THSD7A: variants seen among roughly 807,000 people sequenced by gnomAD.
THSD7A encodes the protein thrombospondin type-1 domain-containing protein 7A.
A neutral mutation model predicts 231.3 loss-of-function variants in THSD7A; 96 were observed. That is an observed-to-expected ratio of 0.41 (90% CI 0.35 to 0.49). The LOEUF (loss-of-function observed/expected upper bound fraction) is 0.49, where lower values mean the gene tolerates loss of function less well. THSD7A is among the 20% of genes least tolerant of loss of function. THSD7A has a pLI of 0.05. For missense variants in THSD7A, 2,290 were observed against 2,070.2 expected, an observed-to-expected ratio of 1.11 and a Z score of -2.06; for synonymous variants, 940 against 743.3, an observed-to-expected ratio of 1.26 and a Z score of -4.30.
rs1413033427 is a variant in THSD7A, at chr7:11,500,049, A to C, written c.1823-18067T>G. On this transcript the variant is annotated intron_variant, in intron 6 of 27. Coordinates refer to ENST00000423059, the MANE Select transcript of THSD7A (RefSeq NM_015204.3). ...AGATTTTCCAAGGTTGAAATGAAAG[A>C]ATGTTAAAGGCAGCTAAAGAGTAAG... 2.6e-5 allele frequency among the ~76,000 whole-genome samples: 4 copies of C among 152,318 alleles called. No homozygotes were observed. In the East Asian group the frequency reaches 7.7e-4, roughly 29 times the overall value.
chr7:11,581,335 GATT>G (rs1791153601), intron 4 of THSD7A, among the ~76,000 whole-genome samples: 2 of 151,982 alleles, frequency 1.3e-5, no homozygotes, highest in Admixed American at 6.6e-5. Context: ...TGTGTCACAA[GATT>G]ATTATCCAAT....
At chr7:11,791,705 C>A (rs1783956631) in intron 1 of THSD7A, among the ~76,000 whole-genome samples, 1 of 151,590 alleles carries the variant, frequency 6.6e-6, no homozygotes, top group South Asian at 2.1e-4. Context: ...AAATTTTGGT[C>A]CCAACGGCCA....
In THSD7A at chr7:11,426,778, T is replaced by G. The variant is rs376501271; in HGVS notation, c.3244-107A>C. On this transcript the variant is annotated intron_variant, in intron 14 of 27. Coordinates refer to ENST00000423059, the MANE Select transcript of THSD7A (RefSeq NM_015204.3). ...ATGGTAAGTTTCAAGTATTATTACT[T>G]ACATGTAAAAACCTACTTTTTTGGT... 4.1e-5 allele frequency: 52 copies of G among 1,258,012 alleles called. No homozygotes were observed. In the African/African-American group the frequency reaches 7.3e-4, roughly 18 times the overall value. The allele number at this position is 1,258,012 out of a possible 1,614,324, so 77.9% of individuals were successfully genotyped here.
chr7:11,773,655 TA>T lies in THSD7A; in HGVS notation c.190+58101del, dbSNP rs1193444385. On this transcript the variant is annotated intron_variant, in intron 1 of 27. Coordinates refer to ENST00000423059, the MANE Select transcript of THSD7A (RefSeq NM_015204.3). ...TACATAAGACTTTGAATTTCTTTTT[TA>T]AAAAATGTTTAATTATTATGGATTC... Among the ~76,000 whole-genome samples, 10 of 152,306 alleles carry T rather than the reference TA, an allele frequency of 6.6e-5. No individual in the cohort carries two copies. The East Asian group carries it at 1.2e-3, about 18-fold the overall frequency.
chr7:11,751,156 A>T (rs991778296), intron 1 of THSD7A: 7 of 152,024 alleles, frequency 4.6e-5, no homozygotes, highest in African/African-American at 1.2e-4. Flanking sequence ...AGCTTTCCCA[A>T]TTACCGCCAG....
chr7:11,457,216 A>G (rs1785336765), intron 11 of THSD7A, among the ~76,000 whole-genome samples: 1 of 152,050 alleles, frequency 6.6e-6, no homozygotes, highest in African/African-American at 2.4e-5. Flanking sequence ...CTACATTTCT[A>G]CATTTCAAGT....
chr7:11,815,918 T>C (rs1370052770), intron 1 of THSD7A, among the ~76,000 whole-genome samples: 1 of 152,060 alleles, frequency 6.6e-6, no homozygotes, highest in Non-Finnish European at 1.5e-5. Flanking sequence ...CTTCTTTCTA[T>C]CCCTGGAAAC....
Position 11,411,150 on chromosome 7 carries a change from A to T in THSD7A, c.3798+57T>A. 7.3e-7 allele frequency: 1 copy of T among 1,366,272 alleles called. No individual in the cohort carries two copies. Among genetic ancestry groups the T allele is most frequent in the East Asian group, 2.3e-5 (1 of 43,376 alleles). The allele number at this position is 1,366,272 out of a possible 1,614,324, so 84.6% of individuals were successfully genotyped here. ...AGCACGGGTCACTTGGCTCAGCATG[A>T]ATTGAAATTATTAGGGAAGAATTTA... On this transcript the variant is annotated intron_variant, in intron 19 of 27. Transcript: ENST00000423059. The surrounding 1 kb of genome is among the most constrained non-coding windows in gnomAD (Gnocchi z 4.1).
chr7:11,578,197 T>C (rs574694599), intron 4 of THSD7A, among the ~76,000 whole-genome samples: 2 of 152,302 alleles, frequency 1.3e-5, no homozygotes, highest in East Asian at 1.9e-4. Context: ...CTTTTCTCAA[T>C]TCAACCAGAA....
chr7:11,455,345 T>C (rs1436470734), intron 11 of THSD7A, among the ~76,000 whole-genome samples: 1 of 152,106 alleles, frequency 6.6e-6, no homozygotes, highest in Non-Finnish European at 1.5e-5. Context: ...CACAACATTT[T>C]AAGCATTTGT....
intron 1 of THSD7A, among the ~76,000 whole-genome samples, chr7:11,770,185 C>T (rs1038654426): frequency 2.0e-5 from 3 of 151,874 alleles, no homozygotes; most frequent in Admixed American, 6.6e-5. Flanking sequence ...AGTTGAATCA[C>T]CCTCTATTAT....
chr7:11,761,367 C>T (rs55860284), intron 1 of THSD7A, among the ~76,000 whole-genome samples: 25,138 of 151,938 alleles, frequency 0.17, 2,440 homozygotes, highest in South Asian at 0.27. Flanking sequence ...CAATATATAA[C>T]ATCTTTGCAA....
At chr7:11,810,535 G>A (rs1784503662) in intron 1 of THSD7A, among the ~76,000 whole-genome samples, 1 of 152,092 alleles carries the variant, frequency 6.6e-6, no homozygotes, top group Non-Finnish European at 1.5e-5. Context: ...AAATAAAGGG[G>A]CTTAGAGGGC....
chr7:11,524,296 G>A (rs28641839), intron 6 of THSD7A, among the ~76,000 whole-genome samples: 6 of 152,052 alleles, frequency 3.9e-5, no homozygotes, highest in African/African-American at 9.7e-5. Context: ...CAATCTTGGC[G>A]CACAACTTCC....
intron 6 of THSD7A, among the ~76,000 whole-genome samples, chr7:11,511,570 T>C (rs559019252): frequency 6.6e-6 from 1 of 152,316 alleles, no homozygotes; most frequent in Non-Finnish European, 1.5e-5. Flanking sequence ...AGCATGGTAC[T>C]GGTACCAAAA....
At chr7:11,380,454 A>C (rs1342806299) in intron 24 of THSD7A, among the ~76,000 whole-genome samples, 1 of 152,138 alleles carries the variant, frequency 6.6e-6, no homozygotes, top group South Asian at 2.1e-4. Flanking sequence ...AGCAAAACAA[A>C]ATTTTTTCTT....
intron 6 of THSD7A, among the ~76,000 whole-genome samples, chr7:11,519,468 T>C (rs553156228): frequency 1.3e-4 from 20 of 152,192 alleles, no homozygotes; most frequent in Non-Finnish European, 2.5e-4. Flanking sequence ...GTCAGAACTA[T>C]GTTCACTTCG....
intron 1 of THSD7A, among the ~76,000 whole-genome samples, chr7:11,744,415 G>T (rs1774419782): frequency 6.6e-6 from 1 of 150,500 alleles, no homozygotes; most frequent in Admixed American, 6.6e-5. Flanking sequence ...TATGATACCA[G>T]GTTTTTTTAT....
At chr7:11,566,232 T>C (rs1368578469) in intron 4 of THSD7A, among the ~76,000 whole-genome samples, 1 of 152,216 alleles carries the variant, frequency 6.6e-6, no homozygotes, top group Non-Finnish European at 1.5e-5. Flanking sequence ...ATAATTTTCA[T>C]GACCTATGCT....
Sources: gnomAD v4.1 joint callset for allele counts (sites outside exome capture counted in the v4.1 genomes callset) on GRCh38, gnomAD v4.1.1 for gene constraint, Gnocchi (gnomAD v3.1) non-coding constraint, MANE v1.5 for transcripts, NCBI Gene and HGNC (gene_info 2026-07-23, HGNC 2026-07-21) for gene names.